Variants in RBMS3 observed in about 807,000 individuals in gnomAD.
RBMS3 encodes RNA-binding motif, single-stranded-interacting protein 3.
Under a neutral mutation model 66.8 loss-of-function variants are expected in RBMS3, and 27 were observed. That is an observed-to-expected ratio of 0.40 (90% CI 0.30 to 0.56). RBMS3 has a LOEUF of 0.56. Among genes scored for constraint, RBMS3 ranks in the 20% least tolerant of loss-of-function variants. The pLI is 0.40. For synonymous variants in RBMS3, 188 were observed against 183.0 expected, an observed-to-expected ratio of 1.03 and a Z score of -0.22; for missense variants, 513 against 549.5, an observed-to-expected ratio of 0.93 and a Z score of 0.66.
intron 3 of RBMS3, among the ~76,000 whole-genome samples, chr3:29,534,609 G>A (rs750356774): frequency 7.9e-5 from 12 of 152,098 alleles, no homozygotes; most frequent in Non-Finnish European, 1.6e-4. Context: ...ATTTAAGATG[G>A]CCTATTTTAG....
intron 3 of RBMS3, among the ~76,000 whole-genome samples, chr3:29,548,291 G>A (rs1417967486): frequency 1.3e-5 from 2 of 151,920 alleles, no homozygotes; most frequent in African/African-American, 4.8e-5. Flanking sequence ...AATTAGCTGG[G>A]CCTGGTGGCA....
intron 1 of RBMS3, among the ~76,000 whole-genome samples, chr3:29,406,519 A>G (rs2040021024): frequency 6.6e-6 from 1 of 152,120 alleles, no homozygotes; most frequent in Admixed American, 6.5e-5. Context: ...AAACCACATC[A>G]CAACTCCCCT....
intron 1 of RBMS3, among the ~76,000 whole-genome samples, chr3:29,352,327 G>C (rs1170947979): frequency 6.6e-6 from 1 of 151,680 alleles, no homozygotes; most frequent in Non-Finnish European, 1.5e-5. Context: ...TATACATTCA[G>C]GTCCCCCTTT....
At chr3:29,357,986 C>A (rs2037329703) in intron 1 of RBMS3, among the ~76,000 whole-genome samples, 1 of 151,994 alleles carries the variant, frequency 6.6e-6, no homozygotes, top group South Asian at 2.1e-4. Flanking sequence ...AAAATTTTCT[C>A]CTATTCTCTA....
At chr3:29,755,126 A>G (rs938441025) in intron 5 of RBMS3, among the ~76,000 whole-genome samples, 44 of 152,304 alleles carry the variant, frequency 2.9e-4, no homozygotes, top group African/African-American at 1.0e-3. Context: ...TTCTACACCT[A>G]TGCTTAATTT....
intron 6 of RBMS3, among the ~76,000 whole-genome samples, chr3:29,858,342 TGC>T: frequency 6.6e-6 from 1 of 152,180 alleles, no homozygotes; most frequent in South Asian, 2.1e-4. Flanking sequence ...AAATACAGTA[TGC>T]AAAGAGCTGT....
intron 2 of RBMS3, among the ~76,000 whole-genome samples, chr3:29,483,777 A>G (rs541085855): frequency 2.8e-4 from 42 of 152,344 alleles, no homozygotes; most frequent in African/African-American, 9.9e-4. Flanking sequence ...CATTGACAAA[A>G]TATTGCCCCT....
intron 6 of RBMS3, among the ~76,000 whole-genome samples, chr3:29,818,833 T>C (rs1315952657): frequency 6.6e-6 from 1 of 152,194 alleles, no homozygotes; most frequent in Non-Finnish European, 1.5e-5. Context: ...AAATTAGTTA[T>C]GTTGAACTCA....
chr3:29,832,487 C>T (rs544741296), intron 6 of RBMS3, among the ~76,000 whole-genome samples: 102 of 124,678 alleles, frequency 8.2e-4, no homozygotes, highest in African/African-American at 2.9e-3. Context: ...CAAGGATAGA[C>T]GTATTGAAGG....
At chr3:29,998,807 C>T (rs919602113) in intron 14 of RBMS3, among the ~76,000 whole-genome samples, 10 of 152,086 alleles carry the variant, frequency 6.6e-5, no homozygotes, top group African/African-American at 2.4e-4. Context: ...GACCTAAAAC[C>T]ATAAAAACTC....
At chr3:29,862,680 G>C (rs2059244239) in intron 6 of RBMS3, among the ~76,000 whole-genome samples, 2 of 151,998 alleles carry the variant, frequency 1.3e-5, no homozygotes, top group Admixed American at 1.3e-4. Context: ...GCCCTTAGAA[G>C]TGACGAGAGT....
At position 30,007,061 on chromosome 3, in the gene RBMS3, A is replaced by G. The variant is rs1012293877; in HGVS notation, c.*3199A>G. ...AAAGAAAAAAAATAGAAGGAAAACA[A>G]CGGCACATACTCAAATTTGCCCTGC... On this transcript the variant is annotated 3_prime_UTR_variant, in exon 15 of 15. Coordinates refer to ENST00000383767, the MANE Select transcript of RBMS3 (RefSeq NM_001003793.3). 1.3e-5 allele frequency: 2 copies of G among 152,004 alleles called. No individual in the cohort carries two copies. Among genetic ancestry groups the G allele is most frequent in the Non-Finnish European group, 2.9e-5 (2 of 67,910 alleles). 9.4% of individuals were successfully genotyped at this position (152,004 alleles called of 1,614,324 possible).
intron 5 of RBMS3, among the ~76,000 whole-genome samples, chr3:29,747,966 T>C (rs969820282): frequency 2.0e-5 from 3 of 152,114 alleles, no homozygotes; most frequent in Admixed American, 2.0e-4. Context: ...CTGCTGCCTC[T>C]ATCAGGGAGA....
rs3070797 is a variant in RBMS3 at position 29,837,663 on chromosome 3, CATATATATATATATATAT to C, written c.638-31168_638-31151del. ...ATAATGAACATATATATATAATGAA[CATATATATATATATATAT>C]ATATATATATATATATATATATATA... is the stretch of plus-strand genomic sequence containing the variant. On this transcript the variant is annotated intron_variant, in intron 6 of 14. Coordinates refer to ENST00000383767, the MANE Select transcript of RBMS3 (RefSeq NM_001003793.3). 9.3e-3 allele frequency among the ~76,000 whole-genome samples: 632 copies of C among 67,668 alleles called. 10 individuals are homozygous for C. The highest frequency in any genetic ancestry group is 0.026 in the African/African-American group (483 of 18,656). 44.4% of individuals were successfully genotyped at this position (67,668 alleles called of 152,430 possible).
At chr3:29,713,906 T>G (rs2053278300) in intron 4 of RBMS3, among the ~76,000 whole-genome samples, 1 of 151,854 alleles carries the variant, frequency 6.6e-6, no homozygotes, top group African/African-American at 2.4e-5. Context: ...AATACAAAAC[T>G]TAGCCAGGCA....
At chr3:29,555,030 T>C (rs559711134) in intron 3 of RBMS3, among the ~76,000 whole-genome samples, 2 of 152,222 alleles carry the variant, frequency 1.3e-5, no homozygotes, top group Non-Finnish European at 2.9e-5. Context: ...CTTATTCTTT[T>C]ATTTTTTGTT....
chr3:29,819,580 C>T (rs955781019), intron 6 of RBMS3, among the ~76,000 whole-genome samples: 1 of 152,108 alleles, frequency 6.6e-6, no homozygotes, highest in Non-Finnish European at 1.5e-5. Context: ...ATTTCACATG[C>T]TATGTCAAAT....
At chr3:29,588,462 T>C (rs2047610636) in intron 4 of RBMS3, among the ~76,000 whole-genome samples, 2 of 152,130 alleles carry the variant, frequency 1.3e-5, no homozygotes, top group South Asian at 4.1e-4. Context: ...TTTTCCAATT[T>C]TGACCTCAAA....
rs373720584 is a variant in RBMS3, at chr3:29,321,210, G to T, written c.75+39454G>T. On this transcript the variant is annotated intron_variant, in intron 1 of 14. Coordinates refer to ENST00000383767, the MANE Select transcript of RBMS3 (RefSeq NM_001003793.3). ...AGACATGGGTTTTCCAAACTTTTATGATATATTAGTCCCTTTCATTGAAAT... is the reference window on the plus strand; with the variant it reads ...AGACATGGGTTTTCCAAACTTTTATTATATATTAGTCCCTTTCATTGAAAT... Among the ~76,000 whole-genome samples the T allele has an allele frequency of 8.2e-4, 125 of 152,064 alleles. 1 individual carries two copies. The highest frequency in any genetic ancestry group is 2.8e-3 in the African/African-American group (118 of 41,518).
Sources: allele counts gnomAD v4.1 joint callset (sites outside exome capture counted in the v4.1 genomes callset), GRCh38; gene constraint gnomAD v4.1.1; transcripts MANE v1.5; gene names NCBI Gene and HGNC (gene_info 2026-07-23, HGNC 2026-07-21).